The following CAMK4 variants were observed in gnomAD, a reference collection of about 807,000 sequenced individuals.
CAMK4 encodes the protein calcium/calmodulin-dependent protein kinase type IV.
In CAMK4, 22 loss-of-function variants were observed where a neutral mutation model predicts 44.9. That is an observed-to-expected ratio of 0.49 (90% CI 0.35 to 0.70). The LOEUF is 0.70. Among genes scored for constraint, CAMK4 ranks in the 30% least tolerant of loss-of-function variants. The pLI is 0.01. For missense variants in CAMK4, 498 were observed against 586.8 expected (o/e 0.85, Z 1.56); for synonymous variants, 218 against 215.4 (o/e 1.01, Z -0.11).
chr5:111,480,206 T>C (rs1433715308), intron 9 of CAMK4, among the ~76,000 whole-genome samples: 1 of 148,860 alleles, frequency 6.7e-6, no homozygotes, highest in Non-Finnish European at 1.5e-5. Context: ...TGTAATGTTC[T>C]TTCTTCCTCC....
intron 2 of CAMK4, among the ~76,000 whole-genome samples, chr5:111,346,874 GAAA>G (rs555254948): frequency 1.4e-3 from 213 of 149,920 alleles, no homozygotes; most frequent in African/African-American, 5.0e-3. Context: ...TGTAGTGAGA[GAAA>G]GTGAGGCGTT....
intron 7 of CAMK4, among the ~76,000 whole-genome samples, chr5:111,450,266 G>A (rs1326690584): frequency 6.6e-6 from 1 of 152,138 alleles, no homozygotes. Flanking sequence ...CCCAGGAGGC[G>A]GAGGTTGCAG....
chr5:111,326,562 T>TA (rs776287870), intron 1 of CAMK4, among the ~76,000 whole-genome samples: 11 of 150,062 alleles, frequency 7.3e-5, no homozygotes, highest in East Asian at 1.9e-4. Flanking sequence ...TGCAGAAAAT[T>TA]AAAAAAAAAT....
At chr5:111,366,430 A>C (rs1750797065) in intron 2 of CAMK4, among the ~76,000 whole-genome samples, 1 of 152,142 alleles carries the variant, frequency 6.6e-6, no homozygotes, top group Non-Finnish European at 1.5e-5. Context: ...GCTACATCTA[A>C]GATAGCCAGG....
At chr5:111,263,669 T>C (rs1750099420) in intron 1 of CAMK4, among the ~76,000 whole-genome samples, 1 of 152,178 alleles carries the variant, frequency 6.6e-6, no homozygotes, top group Non-Finnish European at 1.5e-5. Context: ...CCAGTCCAAA[T>C]TGTTCTGATT....
chr5:111,419,236 A>G (rs1466795519), intron 5 of CAMK4, among the ~76,000 whole-genome samples: 4 of 152,146 alleles, frequency 2.6e-5, no homozygotes, highest in South Asian at 2.1e-4. Context: ...CTGCATAAAT[A>G]TCTTCTTTTG....
At chr5:111,480,592 T>G (rs982444225) in intron 9 of CAMK4, among the ~76,000 whole-genome samples, 19 of 152,198 alleles carry the variant, frequency 1.2e-4, no homozygotes, top group Middle Eastern at 3.4e-3. Flanking sequence ...AAGTACACCG[T>G]GAAGTTTCAG....
At chr5:111,300,481 T>G (rs983460800) in intron 1 of CAMK4, among the ~76,000 whole-genome samples, 12 of 152,240 alleles carry the variant, frequency 7.9e-5, no homozygotes, top group Non-Finnish European at 1.5e-4. Flanking sequence ...TGCATTGATT[T>G]TTTTGTGTCT....
At chr5:111,352,419 T>C (rs1217749062) in intron 2 of CAMK4, among the ~76,000 whole-genome samples, 1 of 152,100 alleles carries the variant, frequency 6.6e-6, no homozygotes, top group African/African-American at 2.4e-5. Context: ...TGATATTTTA[T>C]AGCCATTAAC....
intron 7 of CAMK4, among the ~76,000 whole-genome samples, chr5:111,458,125 C>T (rs1165758093): frequency 6.6e-6 from 1 of 152,150 alleles, no homozygotes; most frequent in Non-Finnish European, 1.5e-5. Flanking sequence ...CTGACCATAG[C>T]CCTACTTTCT....
At chr5:111,464,031 G>A (rs74895074) in intron 7 of CAMK4, among the ~76,000 whole-genome samples, 1,735 of 151,922 alleles carry the variant, frequency 0.011, 31 homozygotes, top group African/African-American at 0.039. Flanking sequence ...CAGCAGGTCG[G>A]TCATTAAGCT....
chr5:111,445,186 A>T (rs1387584744), intron 5 of CAMK4, among the ~76,000 whole-genome samples: 1 of 152,218 alleles, frequency 6.6e-6, no homozygotes, highest in Non-Finnish European at 1.5e-5. Context: ...TTAAAAATTG[A>T]AAACAACTTG....
chr5:111,419,511 C>A (rs1009824683), intron 5 of CAMK4, among the ~76,000 whole-genome samples: 12 of 152,174 alleles, frequency 7.9e-5, no homozygotes, highest in African/African-American at 2.9e-4. Flanking sequence ...GACATGAAGT[C>A]CTTGCCCGTG....
At chr5:111,229,352 G>C (rs1436935152) in intron 1 of CAMK4, among the ~76,000 whole-genome samples, 1 of 152,170 alleles carries the variant, frequency 6.6e-6, no homozygotes, top group Non-Finnish European at 1.5e-5. Flanking sequence ...AAGAAACCAA[G>C]CTCTCTGGTG....
intron 1 of CAMK4, among the ~76,000 whole-genome samples, chr5:111,286,250 C>T (rs942048544): frequency 5.3e-5 from 8 of 152,106 alleles, no homozygotes; most frequent in African/African-American, 1.4e-4. Context: ...TTAGCATCTT[C>T]GTAAAGATGG....
chr5:111,350,146 T>A (rs1750032534), intron 2 of CAMK4, among the ~76,000 whole-genome samples: 1 of 152,048 alleles, frequency 6.6e-6, no homozygotes, highest in Non-Finnish European at 1.5e-5. Context: ...TGTTTTTTCA[T>A]CTTTAAAATG....
intron 2 of CAMK4, among the ~76,000 whole-genome samples, chr5:111,374,030 A>G (rs1751115441): frequency 6.6e-6 from 1 of 152,168 alleles, no homozygotes; most frequent in Non-Finnish European, 1.5e-5. Flanking sequence ...CCAAGTGGTG[A>G]ACTAACTAGG....
At chr5:111,269,022 G>A (rs1405940264) in intron 1 of CAMK4, among the ~76,000 whole-genome samples, 1 of 152,210 alleles carries the variant, frequency 6.6e-6, no homozygotes, top group Non-Finnish European at 1.5e-5. Flanking sequence ...AGGGATATAT[G>A]ACTAGAAGGA....
At chr5:111,282,915 T>C (rs1751082219) in intron 1 of CAMK4, 1 of 152,230 alleles carries the variant, frequency 6.6e-6, no homozygotes, top group Non-Finnish European at 1.5e-5. Flanking sequence ...TTGGGCAAAA[T>C]CACCTGGCAG....
Sources: allele counts gnomAD v4.1 joint callset (sites outside exome capture counted in the v4.1 genomes callset), GRCh38; gene constraint gnomAD v4.1.1; transcripts MANE v1.5; gene names NCBI Gene and HGNC (gene_info 2026-07-23, HGNC 2026-07-21).